Variants in OPLAH observed in about 807,000 individuals in gnomAD.
The protein encoded by OPLAH is 5-oxoprolinase.
OPLAH carries 103 observed loss-of-function variants against 122.8 expected under a neutral mutation model. That is an observed-to-expected ratio of 0.84 (90% confidence interval 0.71 to 0.99). OPLAH has a LOEUF of 0.99. Ranked by LOEUF, OPLAH falls within the 50% of genes least tolerant of loss-of-function variation. OPLAH has a pLI of 0.00. For missense variants in OPLAH, 1,902 were observed against 1,836.5 expected (o/e 1.04, Z -0.65); for synonymous variants, 875 against 796.0 (o/e 1.10, Z -1.67).
Position 144,057,558 on chromosome 8 carries a change from G to C in OPLAH, c.1312C>G (p.Leu438Val). 1 of 1,587,536 alleles carries C rather than the reference G, an allele frequency of 6.3e-7. No individual in the cohort carries two copies. The highest frequency in any genetic ancestry group is 8.6e-7 in the Non-Finnish European group (1 of 1,167,354). Residue 438 changes from leucine (L) to valine (V), a missense_variant, in exon 10 of 27, where the codon CTG (leucine) becomes GTG (valine). By Grantham distance (32) the Leu-to-Val change is conservative (BLOSUM62 1). This residue lies in a region of OPLAH where 1,726 missense variants were observed against 1,642.1 expected (regional missense o/e 1.05). Transcript: ENST00000618853. Reference protein sequence around the residue: ...EAVATEVNSFLTNGPCPASPL... With the variant: ...EAVATEVNSFVTNGPCPASPL... ...GAGGCCGGGCAGGGCCCGTTGGTCA[G>C]GAAGCTGTTGACCTCAGTGGCCACA...
At position 144,058,544 on chromosome 8, in the gene OPLAH, G is replaced by A. The variant is rs1312863334; in HGVS notation, c.735C>T (p.Ile245=). ...ACADAYLTPA[I]QRYVQGFCRG... is the part of the protein sequence containing the mutation. Reference sequence around the variant, plus strand: ...GGCAGAAGCCCTGCACGTAGCGCTGGATGGCGGGCGTGAGGTAGGCGTCGG... The same window carrying A: ...GGCAGAAGCCCTGCACGTAGCGCTGAATGGCGGGCGTGAGGTAGGCGTCGG... Residue 245 remains isoleucine (I), a synonymous_variant, in exon 6 of 27, where the codon ATC becomes ATT. Coordinates refer to ENST00000618853, the MANE Select transcript of OPLAH (RefSeq NM_017570.5). 1.9e-6 allele frequency: 3 copies of A among 1,599,214 alleles called. No homozygotes were observed. The highest frequency in any genetic ancestry group is 1.7e-6 in the Non-Finnish European group (2 of 1,178,096).
At chr8:144,061,881 G>A (rs1037321173), upstream of OPLAH, among the ~76,000 whole-genome samples, 7 of 152,172 alleles carry the variant, frequency 4.6e-5, no homozygotes, top group African/African-American at 1.4e-4. Flanking sequence ...TTAGCTGGGC[G>A]TGGTGGCACG....
rs781872246 is a variant in OPLAH, at chr8:144,059,686, C to A, written c.276G>T (p.Lys92Asn). Reference sequence around the variant, plus strand: ...TCACCAGCAGCGCCACCCGCTCCCCCTTCCGCTCCAGCAGTGCGTTGGTGG... The same window carrying A: ...TCACCAGCAGCGCCACCCGCTCCCCATTCCGCTCCAGCAGTGCGTTGGTGG... ...TVATNALLER[K>N]GERVALLVTR... The change falls in exon 3 of 27, where the codon AAG becomes AAT. Residue 92 changes from lysine to asparagine, a missense_variant. Physicochemically the swap from Lys to Asn is moderately conservative, Grantham distance 94. Coordinates refer to ENST00000618853, the MANE Select transcript of OPLAH (RefSeq NM_017570.5). The A allele has an allele frequency of 1.2e-6, 2 of 1,612,428 alleles. No homozygotes were observed. The highest frequency in any genetic ancestry group is 8.5e-7 in the Non-Finnish European group (1 of 1,179,836).
chr8:144,059,008 T>A lies in OPLAH; in HGVS notation c.435A>T (p.Gly145=). The A allele has an allele frequency of 6.3e-7, 1 of 1,581,046 alleles. No individual in the cohort carries two copies. Among genetic ancestry groups the A allele is most frequent in the South Asian group, 1.2e-5 (1 of 86,222 alleles). The change falls in exon 4 of 27, where the codon GGA becomes GGT. Residue 145 remains glycine (G), a synonymous_variant. Coordinates refer to ENST00000618853, the MANE Select transcript of OPLAH (RefSeq NM_017570.5). The part of the protein sequence containing the change: ...EVDERVVLHR[G]EAGTGTPVKG... ...TCACAGGCGTCCCGGTGCCCGCCTC[T>A]CCACGGTGCAGCACCACGCGTTCGT...
Position 144,053,223 on chromosome 8 carries a change from T to C in OPLAH, c.2857A>G (p.Met953Val), listed in dbSNP as rs781792555. 6.2e-7 allele frequency: 1 copy of C among 1,612,788 alleles called. No homozygotes were observed. The highest frequency in any genetic ancestry group is 1.7e-5 in the Admixed American group (1 of 59,968). ...CCCAGGCCCACCTGAATATGGCCCA[T>C]GTAGGCCTGCACCACGTCCAGGCCG... ...QYGLDVVQAY[M>V]GHIQANAELA... The change falls in exon 20 of 27, where the codon ATG becomes GTG. Residue 953 changes from methionine (M) to valine (V), a missense_variant. Met to Val is a conservative substitution (Grantham distance 21, BLOSUM62 1). Coordinates refer to ENST00000618853, the MANE Select transcript of OPLAH (RefSeq NM_017570.5).
Position 144,055,196 on chromosome 8 carries a change from G to A in OPLAH, c.2249-7C>T. ...AGGATGCGGCCCATCTGCTCTAGGA[G>A]CACAAAGTGACCAGGCCCGCTGGCC... On this transcript the variant is annotated splice_polypyrimidine_tract_variant and splice_region_variant and intron_variant, in intron 16 of 26. Coordinates refer to ENST00000618853, the MANE Select transcript of OPLAH (RefSeq NM_017570.5). The surrounding 1 kb of genome is among the most constrained non-coding windows in gnomAD (Gnocchi z 6.5). The A allele has an allele frequency of 6.6e-7, 1 of 1,511,690 alleles. No individual in the cohort carries two copies. Among genetic ancestry groups the A allele is most frequent in the South Asian group, 1.3e-5 (1 of 74,322 alleles). The allele number at this position is 1,511,690 out of a possible 1,614,324, so 93.6% of individuals were successfully genotyped here.
At position 144,056,754 on chromosome 8, in the gene OPLAH, AC is replaced by A. The variant is rs1554759294; in HGVS notation, c.1707del (p.Arg569SerfsTer21). On this transcript the variant is annotated frameshift_variant and splice_region_variant, in exon 13 of 27. Transcript: ENST00000618853. LOFTEE classifies it high-confidence loss of function. ...AGGAAGCTCTCAGTGCTGATCTGGG[AC>A]CTGCAGCAGGTGGTTGGGGGCACTC... The part of the protein sequence containing the change: ...VDALQAQGFP[R>X]SQISTESFLH... 1 of 1,603,002 alleles carries A rather than the reference AC, an allele frequency of 6.2e-7. No individual in the cohort carries two copies.
upstream of OPLAH, among the ~76,000 whole-genome samples, chr8:144,063,518 C>T (rs1283000590): frequency 1.3e-5 from 2 of 152,226 alleles, no homozygotes; most frequent in African/African-American, 4.8e-5. The surrounding 1 kb of genome is among the most constrained non-coding windows in gnomAD (Gnocchi z 4.2). Context: ...AAGCCGCGCC[C>T]CAGCCTGGCA....
chr8:144,058,885 C>A lies in OPLAH; in HGVS notation c.475G>T (p.Asp159Tyr). The change falls in exon 5 of 27, where the codon GAC (aspartate) becomes TAC (tyrosine). Residue 159 changes from aspartate (D) to tyrosine (Y), a missense_variant. This residue lies in a region of OPLAH where 1,726 missense variants were observed against 1,642.1 expected (regional missense o/e 1.05). Coordinates refer to ENST00000618853, the MANE Select transcript of OPLAH (RefSeq NM_017570.5). ...TGTPVKGRTG[D>Y]LLEVQQPVDL... ...ACAGGCTGCTGCACTTCCAGCAGGT[C>A]CCCCGTGCGGCCTTCCAGAAAAGCC... 14 of 1,550,712 alleles carry A rather than the reference C, an allele frequency of 9.0e-6. No individual in the cohort carries two copies. Among genetic ancestry groups the A allele is most frequent in the Non-Finnish European group, 1.2e-5 (14 of 1,146,540 alleles).
chr8:144,058,935 A>G (rs1554760226), intron 4 of OPLAH, 39 bp from the exon 5 acceptor site: 2 of 1,555,540 alleles, frequency 1.3e-6, no homozygotes, highest in East Asian at 2.4e-5. Context: ...AAAGGCCAGC[A>G]GGACCCTCCG....
rs1554758564 is a variant in OPLAH, at chr8:144,054,856, T to G, written c.2467A>C (p.Ser823Arg). The G allele has an allele frequency of 6.2e-7, 1 of 1,611,688 alleles. No individual in the cohort carries two copies. The highest frequency in any genetic ancestry group is 1.7e-5 in the Admixed American group (1 of 59,898). ...TCTGGCAGGTGGCTGCCCCCGGCAC[T>G]GGGATGGTTGCTCAGTAGCACGTCG... ...PGDVLLSNHP[S>R]AGGSHLPDLT... Residue 823 changes from serine (S) to arginine (R), a missense_variant, in exon 18 of 27, where the codon AGT becomes CGT. Physicochemically the swap from Ser to Arg is moderately radical, Grantham distance 110 (BLOSUM62 -1). Around this residue, in one of 3 missense-constraint regions of OPLAH, gnomAD observed 1,726 missense variants for 1,642.1 expected, o/e 1.05. Transcript: ENST00000618853.
intron 1 of OPLAH, among the ~76,000 whole-genome samples, 172 bp downstream of exon 1, chr8:144,060,481 C>A (rs1554760683): frequency 1.3e-5 from 2 of 152,210 alleles, no homozygotes; most frequent in Admixed American, 6.5e-5. Context: ...GACCTTCGAC[C>A]CAAGCCTGGC....
chr8:144,050,426 TG>T, downstream of OPLAH: 1 of 985,600 alleles, frequency 1.0e-6, no homozygotes, highest in Non-Finnish European at 1.2e-6. Flanking sequence ...AGCGTGCTCC[TG>T]GGCGACCTAA....
In OPLAH at chr8:144,053,098, A is replaced by T. The variant is rs1554758129; in HGVS notation, c.2903T>A (p.Leu968Ter). Residue 968 changes from leucine to a stop codon, truncating the protein, a stop_gained, in exon 21 of 27, where the codon TTG (leucine) becomes TAG (stop). Transcript: ENST00000618853. LOFTEE classifies it high-confidence loss of function. ...CTGCCGGGAGGTTCCAAAGGCACGC[A>T]ACATGTCTCGCACGGCCAGCTCAGC... ...ANAELAVRDM[L>*]RAFGTSRQAR... The T allele has an allele frequency of 1.9e-6, 3 of 1,606,608 alleles. No homozygotes were observed. Among genetic ancestry groups the T allele is most frequent in the Middle Eastern group, 3.3e-4 (2 of 6,056 alleles).
intron 19 of OPLAH, 151 bp downstream of exon 19, chr8:144,054,410 G>T: frequency 1.2e-6 from 1 of 826,692 alleles, no homozygotes; most frequent in Non-Finnish European, 1.8e-6. Context: ...CCGATCTGCA[G>T]CTGCCCTTTG....
At chr8:144,056,076 A>G in intron 15 of OPLAH, 71 bp downstream of exon 15, 3 of 1,543,584 alleles carry the variant, frequency 1.9e-6, no homozygotes, top group Non-Finnish European at 1.8e-6. Context: ...GCCTTGGGCC[A>G]GAGAACCCTG....
rs558499121 is a variant in OPLAH at position 144,060,252 on chromosome 8, T to G, written c.-53-167A>C. 1.1e-4 allele frequency among the ~76,000 whole-genome samples: 16 copies of G among 152,336 alleles called. No homozygotes were observed. The East Asian group carries it at 3.1e-3, about 29-fold the overall frequency. ...GGCAGCCTGGGCCCGAGCGAGAGCCTGGCCGGCGGTCAGCGGCCTGATGCC... is the reference window on the plus strand; with the variant it reads ...GGCAGCCTGGGCCCGAGCGAGAGCCGGGCCGGCGGTCAGCGGCCTGATGCC... On this transcript the variant is annotated intron_variant, in intron 1 of 26. Transcript: ENST00000618853.
rs782083988 is a variant in OPLAH at position 144,052,167 on chromosome 8, A to C, written c.3461+2T>G. ...CCCCCAGCCTCCGCGCACGCCGCTC[A>C]CCGGCTCTCCAGGATCTCAGGGTCG... On this transcript the variant is annotated splice_donor_variant, in intron 24 of 26. Transcript: ENST00000618853. LOFTEE classifies it high-confidence loss of function. 8.9e-6 allele frequency: 14 copies of C among 1,565,678 alleles called. No homozygotes were observed. The highest frequency in any genetic ancestry group is 1.1e-5 in the Non-Finnish European group (13 of 1,158,718).
chr8:144,050,519 G>C, downstream of OPLAH: 1 of 985,472 alleles, frequency 1.0e-6, no homozygotes, highest in Non-Finnish European at 1.2e-6. Flanking sequence ...CGCCCACCGC[G>C]CGCCCGCCTC....
Sources: gnomAD v4.1 joint callset for allele counts (sites outside exome capture counted in the v4.1 genomes callset) on GRCh38, gnomAD v4.1.1 for gene constraint, gnomAD v4.1.1 regional missense constraint, Gnocchi (gnomAD v3.1) non-coding constraint, MANE v1.5 for transcripts, NCBI Gene and HGNC (gene_info 2026-07-23, HGNC 2026-07-21) for gene names.